CDHR1: variants seen among roughly 807,000 people sequenced by gnomAD.
The protein encoded by CDHR1 is cadherin related family member 1.
In CDHR1, 61 loss-of-function variants were observed where a neutral mutation model predicts 72.1. The observed-to-expected ratio is 0.85, with a 90% CI of 0.69 to 1.05. The LOEUF is 1.05. Among genes scored for constraint, CDHR1 ranks in the 50% least tolerant of loss-of-function variants. The probability of loss-of-function intolerance (pLI) is 0.00; values close to 1 mark genes in which losing one functional copy is unlikely to be tolerated. For synonymous variants in CDHR1, 470 were observed against 448.1 expected (o/e 1.05, Z -0.62); for missense variants, 1,186 against 1,115.7 (o/e 1.06, Z -0.90).
downstream of CDHR1, chr10:84,218,980 C>T: frequency 5.3e-6 from 3 of 564,508 alleles, no homozygotes; most frequent in South Asian, 4.4e-5. Context: ...AAAAAAAAGC[C>T]TCGTATAATT....
chr10:84,205,955 T>A (rs1842218526), intron 10 of CDHR1, 28 bp downstream of exon 10: 2 of 1,547,656 alleles, frequency 1.3e-6, no homozygotes, highest in East Asian at 4.5e-5. Context: ...TTGTCTTCCC[T>A]GCCCACCTTT....
In CDHR1 at chr10:84,213,303, C is replaced by T; in HGVS notation, c.1995C>T (p.Ser665=). Residue 665 remains serine, a synonymous_variant, in exon 16 of 17, where the codon TCC becomes TCT. Transcript: ENST00000623527. ...AGGCCAAGGACCGGGGCTCCCCATC[C>T]TTCAGCACCACAGCCTTACTCAAGA... The part of the protein sequence containing the change: ...EVQAKDRGSP[S]FSTTALLKID... 1.9e-6 allele frequency: 3 copies of T among 1,614,244 alleles called. No homozygotes were observed. The highest frequency in any genetic ancestry group is 1.7e-6 in the Non-Finnish European group (2 of 1,180,056).
At chr10:84,200,911 C>T (rs1172974970) in intron 6 of CDHR1, among the ~76,000 whole-genome samples, 5 of 152,184 alleles carry the variant, frequency 3.3e-5, no homozygotes, top group African/African-American at 1.2e-4. Flanking sequence ...CTCCCTCTTC[C>T]AACGTCCCCA....
chr10:84,217,389 C>T lies in CDHR1; in HGVS notation c.*2768C>T, dbSNP rs1229736148. ...AAATACTCTGCAGAGTCATTTTCCT[C>T]CTGCGGCTGAGCTCAGATCTTCCAA... On this transcript the variant is annotated 3_prime_UTR_variant, in exon 17 of 17. Transcript: ENST00000623527. 2 of 985,334 alleles carry T rather than the reference C, an allele frequency of 2.0e-6. No individual in the cohort carries two copies. Among genetic ancestry groups the T allele is most frequent in the Non-Finnish European group, 2.4e-6 (2 of 829,938 alleles). 61.0% of individuals were successfully genotyped at this position (985,334 alleles called of 1,614,324 possible).
chr10:84,202,844 A>G, intron 7 of CDHR1, 136 bp from the exon 8 acceptor site: 2 of 928,666 alleles, frequency 2.2e-6, no homozygotes, highest in Non-Finnish European at 3.5e-6. Context: ...TCCGGGTGAC[A>G]CAGAAGCAAA....
Position 84,217,463 on chromosome 10 carries a change from A to T in CDHR1, c.*2842A>T, listed in dbSNP as rs1461120912. ...TACAGTTTGACAGCCCTAGGTCTGA[A>T]TTCTGGTTCTGCCATTAATTGTGAC... is the stretch of plus-strand genomic sequence containing the variant. On this transcript the variant is annotated 3_prime_UTR_variant, in exon 17 of 17. Transcript: ENST00000623527. 1.0e-6 allele frequency: 1 copy of T among 983,264 alleles called. No homozygotes were observed. The highest frequency in any genetic ancestry group is 1.2e-6 in the Non-Finnish European group (1 of 828,082). 60.9% of individuals were successfully genotyped at this position (983,264 alleles called of 1,614,324 possible).
intron 10 of CDHR1, among the ~76,000 whole-genome samples, chr10:84,207,070 G>C (rs962577997): frequency 6.6e-6 from 1 of 152,168 alleles, no homozygotes; most frequent in Non-Finnish European, 1.5e-5. Flanking sequence ...TGCATTTGAA[G>C]GCTCGAGGGA....
chr10:84,194,899 G>T, intron 1 of CDHR1, 84 bp downstream of exon 1: 1 of 1,290,880 alleles, frequency 7.7e-7, no homozygotes, highest in African/African-American at 1.5e-5. Context: ...GAGGGACATG[G>T]TCCTGGACCA....
At chr10:84,202,112 G>A (rs1164685868) in intron 7 of CDHR1, among the ~76,000 whole-genome samples, 192 bp downstream of exon 7, 1 of 152,188 alleles carries the variant, frequency 6.6e-6, no homozygotes, top group Non-Finnish European at 1.5e-5. Context: ...TGTGGGCTGT[G>A]GGAGGGCATA....
At chr10:84,213,009 C>A (rs892449580) in intron 15 of CDHR1, 82 bp from the exon 16 acceptor site, 12 of 1,546,824 alleles carry the variant, frequency 7.8e-6, no homozygotes, top group Non-Finnish European at 1.1e-5. Flanking sequence ...ACCCAGCAAG[C>A]CCCATATGAC....
Position 84,217,354 on chromosome 10 carries a change from A to T in CDHR1, c.*2733A>T. The T allele has an allele frequency of 1.0e-6, 1 of 985,462 alleles. No homozygotes were observed. The highest frequency in any genetic ancestry group is 1.2e-6 in the Non-Finnish European group (1 of 829,948). The allele number at this position is 985,462 out of a possible 1,614,324, so 61.0% of individuals were successfully genotyped here. On this transcript the variant is annotated 3_prime_UTR_variant, in exon 17 of 17. Coordinates refer to ENST00000623527, the MANE Select transcript of CDHR1 (RefSeq NM_033100.4). ...CTGTAGCCTCATGGACAATAAATGG[A>T]TGTGACACCAAATACTCTGCAGAGT... is the stretch of plus-strand genomic sequence containing the variant.
chr10:84,215,108 G>A lies in CDHR1; in HGVS notation c.*487G>A, dbSNP rs975862638. On this transcript the variant is annotated 3_prime_UTR_variant, in exon 17 of 17. Transcript: ENST00000623527. ...AGGAGGCTCAGCACTGTCTCAGGCT[G>A]GAGGTCAGCGAACCTCGTGGGCTGT... 3.9e-6 allele frequency: 4 copies of A among 1,029,856 alleles called. No homozygotes were observed. In the East Asian group the frequency reaches 2.6e-4, roughly 68 times the overall value. 63.8% of individuals were successfully genotyped at this position (1,029,856 alleles called of 1,614,324 possible).
At chr10:84,206,697 C>T (rs534950032) in intron 10 of CDHR1, among the ~76,000 whole-genome samples, 4 of 152,264 alleles carry the variant, frequency 2.6e-5, no homozygotes, top group South Asian at 2.1e-4. Flanking sequence ...GATCCACTCC[C>T]GGGCATAGGA....
In CDHR1 at chr10:84,215,575, C is replaced by T; in HGVS notation, c.*954C>T. The T allele has an allele frequency of 5.7e-6, 5 of 875,842 alleles. No individual in the cohort carries two copies. Among genetic ancestry groups the T allele is most frequent in the Non-Finnish European group, 6.8e-6 (5 of 730,112 alleles). The allele number at this position is 875,842 out of a possible 1,614,324, so 54.3% of individuals were successfully genotyped here. The stretch of plus-strand genomic sequence containing the variant: ...TAAAGTCGCTGATCATCCTCTTCCT[C>T]ATCTGTAAATGAAGAAAGTAGGCCC... On this transcript the variant is annotated 3_prime_UTR_variant, in exon 17 of 17. Transcript: ENST00000623527.
chr10:84,195,620 G>T (rs549381876), intron 2 of CDHR1, 31 bp downstream of exon 2: 14 of 1,576,154 alleles, frequency 8.9e-6, no homozygotes, highest in Non-Finnish European at 1.2e-5. Context: ...CTCCCGATAG[G>T]TCTCCCTGAG....
At position 84,217,309 on chromosome 10, in the gene CDHR1, T is replaced by A; in HGVS notation, c.*2688T>A. The A allele has an allele frequency of 1.2e-5, 12 of 985,494 alleles. No homozygotes were observed. Among genetic ancestry groups the A allele is most frequent in the Non-Finnish European group, 1.4e-5 (12 of 829,952 alleles). The allele number at this position is 985,494 out of a possible 1,614,324, so 61.0% of individuals were successfully genotyped here. ...TGGCACACTGGGCAGGCTTGCCCAT[T>A]CCTGGCCCTGAGAATGGAGCTGTAG... On this transcript the variant is annotated 3_prime_UTR_variant, in exon 17 of 17. Coordinates refer to ENST00000623527, the MANE Select transcript of CDHR1 (RefSeq NM_033100.4).
chr10:84,203,080 TG>T lies in CDHR1; in HGVS notation c.743del (p.Gly248AlafsTer19). The T allele has an allele frequency of 1.2e-6, 2 of 1,614,194 alleles. No homozygotes were observed. The highest frequency in any genetic ancestry group is 1.7e-6 in the Non-Finnish European group (2 of 1,180,026). On this transcript the variant is annotated frameshift_variant, in exon 8 of 17. Transcript: ENST00000623527. LOFTEE classifies it high-confidence loss of function. ...GTTCAGGACATGGCCCCTGTCTTCG[TG>T]GGCACACCCTACTATGGCTATGTGT... ...EDVQDMAPVFVGTPYYGYVYE... is the reference protein window; with the variant it reads ...EDVQDMAPVFXGTPYYGYVYE...
chr10:84,196,607 C>T lies in CDHR1; in HGVS notation c.254C>T (p.Pro85Leu), dbSNP rs769092379. 9 of 1,614,214 alleles carry T rather than the reference C, an allele frequency of 5.6e-6. No homozygotes were observed. The East Asian group carries it at 1.8e-4, about 32-fold the overall frequency. ...PSTRSVFSVD[P>L]TFGNITLVEE... is the part of the protein sequence containing the mutation. ...ACTAGAAGCGTCTTTTCTGTTGACC[C>T]CACTTTTGGAAACATCACCCTGGTT... The change falls in exon 3 of 17, where the codon CCC becomes CTC. Residue 85 changes from proline (P) to leucine (L), a missense_variant. Pro to Leu is a moderately conservative substitution (Grantham distance 98). Transcript: ENST00000623527.
In CDHR1 at chr10:84,210,987, T is replaced by TC. The variant is rs757754430; in HGVS notation, c.1321-8dup. On this transcript the variant is annotated splice_polypyrimidine_tract_variant and intron_variant, in intron 12 of 16. Coordinates refer to ENST00000623527, the MANE Select transcript of CDHR1 (RefSeq NM_033100.4). The stretch of plus-strand genomic sequence containing the variant: ...TGCCTACCCAGACAAGTCCCCATTT[T>TC]CCCCCCTTCCCAGCTCCTGGCTGTT... 6.2e-7 allele frequency: 1 copy of TC among 1,614,106 alleles called. No homozygotes were observed. Among genetic ancestry groups the TC allele is most frequent in the East Asian group, 2.2e-5 (1 of 44,882 alleles).
Sources: gnomAD v4.1 joint callset for allele counts (sites outside exome capture counted in the v4.1 genomes callset) on GRCh38, gnomAD v4.1.1 for gene constraint, MANE v1.5 for transcripts, NCBI Gene and HGNC (gene_info 2026-07-23, HGNC 2026-07-21) for gene names.